The following LMBR1 variants were observed in gnomAD, a reference collection of about 807,000 sequenced individuals.
The protein encoded by LMBR1 is limb development membrane protein 1.
In LMBR1, 52 loss-of-function variants were observed where a neutral mutation model predicts 73.9. That is an observed-to-expected ratio of 0.70 (90% CI 0.56 to 0.89). LMBR1 has a LOEUF of 0.89. Among genes scored for constraint, LMBR1 ranks in the 40% least tolerant of loss-of-function variants. The probability of loss-of-function intolerance (pLI) is 0.00; values close to 1 mark genes in which losing one functional copy is unlikely to be tolerated. For missense variants in LMBR1, 539 were observed against 579.8 expected, an observed-to-expected ratio of 0.93 and a Z score of 0.72; for synonymous variants, 215 against 209.4, an observed-to-expected ratio of 1.03 and a Z score of -0.23.
chr7:156,783,679 T>C (rs1219992377), intron 5 of LMBR1, among the ~76,000 whole-genome samples: 4 of 152,204 alleles, frequency 2.6e-5, no homozygotes, highest in Non-Finnish European at 4.4e-5. Context: ...ATTTGAATAA[T>C]CTATTTTTAA....
chr7:156,792,826 G>A (rs1278492268), intron 5 of LMBR1, among the ~76,000 whole-genome samples: 1 of 151,914 alleles, frequency 6.6e-6, no homozygotes, highest in East Asian at 1.9e-4. Context: ...TTGCCCAGGG[G>A]AATCCATGGG....
At chr7:156,738,679 G>C (rs1818352903) in intron 9 of LMBR1, among the ~76,000 whole-genome samples, 1 of 152,172 alleles carries the variant, frequency 6.6e-6, no homozygotes, top group Non-Finnish European at 1.5e-5. Flanking sequence ...CCCCATTCTA[G>C]GCCCTAGCTT....
chr7:156,691,399 A>G (rs1807141257), intron 15 of LMBR1, among the ~76,000 whole-genome samples: 1 of 152,192 alleles, frequency 6.6e-6, no homozygotes, highest in Non-Finnish European at 1.5e-5. Flanking sequence ...TTTATGCATA[A>G]TTCCTTGAAT....
intron 1 of LMBR1, among the ~76,000 whole-genome samples, chr7:156,873,970 G>A (rs2134358671): frequency 6.6e-6 from 1 of 152,390 alleles, no homozygotes; most frequent in East Asian, 1.9e-4. Context: ...AGGGCTGCAG[G>A]TGGAGCTGCC....
intron 4 of LMBR1, among the ~76,000 whole-genome samples, chr7:156,809,714 C>G (rs544374976): frequency 6.6e-6 from 1 of 152,326 alleles, no homozygotes; most frequent in African/African-American, 2.4e-5. Flanking sequence ...ACAACGTCAT[C>G]TGGCTTGCAT....
intron 3 of LMBR1, among the ~76,000 whole-genome samples, chr7:156,830,943 CAG>C (rs1464540293): frequency 2.6e-5 from 4 of 152,226 alleles, no homozygotes; most frequent in Admixed American, 6.5e-5. Context: ...TCCTGGACTG[CAG>C]AGAGTCAGGC....
chr7:156,865,776 A>C (rs1267816643), intron 1 of LMBR1, among the ~76,000 whole-genome samples: 4 of 152,224 alleles, frequency 2.6e-5, no homozygotes, highest in African/African-American at 9.6e-5. Context: ...ACAAACCCTT[A>C]CATTTATGGT....
intron 6 of LMBR1, 84 bp downstream of exon 6, chr7:156,763,585 A>T: frequency 8.4e-7 from 1 of 1,185,308 alleles, no homozygotes; most frequent in Non-Finnish European, 1.2e-6. Context: ...ACAAAGATTT[A>T]AATGTTTTTA....
intron 15 of LMBR1, among the ~76,000 whole-genome samples, chr7:156,717,511 G>C (rs1438193684): frequency 2.0e-5 from 3 of 152,080 alleles, no homozygotes; most frequent in African/African-American, 7.2e-5. Flanking sequence ...GAAAAAGAGA[G>C]GAGCAGTGAC....
chr7:156,826,882 G>T, intron 3 of LMBR1, 138 bp from the exon 4 acceptor site: 1 of 754,312 alleles, frequency 1.3e-6, no homozygotes, highest in Non-Finnish European at 2.0e-6. Flanking sequence ...TATGTAGTTG[G>T]GAGACAAATG....
At chr7:156,828,036 G>T (rs555077155) in intron 3 of LMBR1, among the ~76,000 whole-genome samples, 3 of 152,166 alleles carry the variant, frequency 2.0e-5, no homozygotes. Context: ...GCCAGCAAGC[G>T]GTCTCCAGCA....
intron 7 of LMBR1, among the ~76,000 whole-genome samples, chr7:156,762,883 G>T (rs1823370373): frequency 6.6e-6 from 1 of 150,728 alleles, no homozygotes; most frequent in African/African-American, 2.4e-5. Context: ...CTGTCCGTCT[G>T]TCTCACTCTA....
rs1293524714 is a variant in LMBR1 at position 156,892,812 on chromosome 7, G to C, written c.66+116C>G. 7 of 469,990 alleles carry C rather than the reference G, an allele frequency of 1.5e-5. No homozygotes were observed. In the South Asian group the frequency reaches 2.4e-4, roughly 16 times the overall value. 29.1% of individuals were successfully genotyped at this position (469,990 alleles called of 1,614,324 possible). A position where few individuals can be genotyped will look rare whatever the true frequency, so the allele number is the denominator to read the frequency against. Reference sequence around the variant, plus strand: ...AGGGAGAGCGGCAGAGGCCGGGGCGGGAGGCGCGAGGCGAGGCCCGGAGGT... The same window carrying C: ...AGGGAGAGCGGCAGAGGCCGGGGCGCGAGGCGCGAGGCGAGGCCCGGAGGT... On this transcript the variant is annotated intron_variant, in intron 1 of 16. Coordinates refer to ENST00000353442, the MANE Select transcript of LMBR1 (RefSeq NM_022458.4).
intron 3 of LMBR1, among the ~76,000 whole-genome samples, chr7:156,830,474 C>G (rs779749134): frequency 6.6e-6 from 1 of 152,062 alleles, no homozygotes; most frequent in Non-Finnish European, 1.5e-5. Context: ...TTAAATCATT[C>G]AAAATTATTC....
At chr7:156,720,066 C>T (rs1263531717) in intron 15 of LMBR1, among the ~76,000 whole-genome samples, 1 of 151,708 alleles carries the variant, frequency 6.6e-6, no homozygotes, top group Non-Finnish European at 1.5e-5. Flanking sequence ...ATGTCTAAAA[C>T]ACCAAAAGCA....
At chr7:156,781,272 T>C (rs534669877) in intron 5 of LMBR1, among the ~76,000 whole-genome samples, 1 of 152,340 alleles carries the variant, frequency 6.6e-6, no homozygotes, top group East Asian at 1.9e-4. Context: ...AATAATACTT[T>C]ACACAAAAAG....
intron 1 of LMBR1, among the ~76,000 whole-genome samples, chr7:156,853,056 G>A (rs1017621847): frequency 2.0e-5 from 3 of 150,660 alleles, no homozygotes; most frequent in African/African-American, 4.9e-5. Flanking sequence ...TTCCCGCCTC[G>A]GCCTCCCAAG....
intron 9 of LMBR1, among the ~76,000 whole-genome samples, chr7:156,741,437 T>C (rs1818876766): frequency 6.6e-6 from 1 of 152,042 alleles, no homozygotes; most frequent in African/African-American, 2.4e-5. Context: ...TACGAATAGA[T>C]TGAAAATAAA....
intron 9 of LMBR1, among the ~76,000 whole-genome samples, chr7:156,742,654 T>A (rs916096204): frequency 2.6e-5 from 4 of 152,168 alleles, no homozygotes; most frequent in African/African-American, 9.7e-5. Context: ...CAGGACCTGG[T>A]GGCTTCACTG....
Sources: allele counts gnomAD v4.1 joint callset (sites outside exome capture counted in the v4.1 genomes callset), GRCh38; gene constraint gnomAD v4.1.1; transcripts MANE v1.5; gene names NCBI Gene and HGNC (gene_info 2026-07-23, HGNC 2026-07-21).